MACROD2: variants seen among roughly 807,000 people sequenced by gnomAD.
MACROD2 encodes mono-ADP ribosylhydrolase 2, also known as ADP-ribose glycohydrolase MACROD2.
A neutral mutation model predicts 70.4 loss-of-function variants in MACROD2; 36 were observed. That is an observed-to-expected ratio of 0.51 (90% CI 0.39 to 0.68). The LOEUF is 0.68. Among genes scored for constraint, MACROD2 ranks in the 30% least tolerant of loss-of-function variants. The pLI is 0.00. For missense variants in MACROD2, 496 were observed against 538.4 expected (o/e 0.92, Z 0.78); for synonymous variants, 172 against 178.8 (o/e 0.96, Z 0.30).
At chr20:15,659,615 G>C (rs180997421) in intron 8 of MACROD2, among the ~76,000 whole-genome samples, 14 of 151,952 alleles carry the variant, frequency 9.2e-5, no homozygotes, top group Middle Eastern at 3.4e-3. Flanking sequence ...TTCACATTAG[G>C]GGGTAAGACA....
chr20:15,786,675 G>A (rs2051933366), intron 8 of MACROD2, among the ~76,000 whole-genome samples: 1 of 152,188 alleles, frequency 6.6e-6, no homozygotes, highest in Admixed American at 6.5e-5. Flanking sequence ...TGAAGGGCAG[G>A]TGGACACAAG....
intron 5 of MACROD2, among the ~76,000 whole-genome samples, chr20:14,953,499 G>C (rs138301920): frequency 6.6e-6 from 1 of 152,012 alleles, no homozygotes; most frequent in African/African-American, 2.4e-5. Flanking sequence ...GTAGAGATGG[G>C]GTTTCACGTG....
At chr20:15,972,196 G>GA (rs891447135) in intron 13 of MACROD2, among the ~76,000 whole-genome samples, 8 of 150,240 alleles carry the variant, frequency 5.3e-5, no homozygotes, top group Non-Finnish European at 5.9e-5. Context: ...TGACTGAGGG[G>GA]AAAAAAAAAG....
At chr20:15,859,643 C>A (rs1412414119) in intron 8 of MACROD2, among the ~76,000 whole-genome samples, 3 of 152,100 alleles carry the variant, frequency 2.0e-5, no homozygotes, top group African/African-American at 7.2e-5. Context: ...AAGACTAATT[C>A]TTGGATTCAC....
chr20:15,594,371 C>G (rs2048718866), intron 8 of MACROD2, among the ~76,000 whole-genome samples: 1 of 152,024 alleles, frequency 6.6e-6, no homozygotes, highest in African/African-American at 2.4e-5. Context: ...CCATGACAGC[C>G]ACTTCAATTG....
chr20:14,325,557 T>G (rs1264471510), intron 3 of MACROD2: 1 of 1,606,604 alleles, frequency 6.2e-7, no homozygotes, highest in Admixed American at 1.7e-5. Flanking sequence ...TCCTTCAGCA[T>G]CATGAGTGTG....
chr20:15,685,680 T>G lies in MACROD2; in HGVS notation c.646-177065T>G, dbSNP rs2146867267. Among the ~76,000 whole-genome samples, 3 of 152,290 alleles carry G rather than the reference T, an allele frequency of 2.0e-5. No individual in the cohort carries two copies. In the South Asian group the frequency reaches 6.2e-4, roughly 32 times the overall value. On this transcript the variant is annotated intron_variant, in intron 8 of 17. Coordinates refer to ENST00000684519, the MANE Select transcript of MACROD2 (RefSeq NM_001351661.2). ...ACCTTCTAACCTCCAGGCTTTCACC[T>G]GGAACTCTTTCCCTTCCACTACTGC...
At chr20:16,019,990 C>T (rs1407141867) in intron 15 of MACROD2, among the ~76,000 whole-genome samples, 1 of 152,120 alleles carries the variant, frequency 6.6e-6, no homozygotes, top group Non-Finnish European at 1.5e-5. Flanking sequence ...GCTCTGTGCC[C>T]AGGAAGAAAG....
At chr20:15,934,100 A>G (rs191963406) in intron 11 of MACROD2, among the ~76,000 whole-genome samples, 65 of 152,304 alleles carry the variant, frequency 4.3e-4, no homozygotes, top group African/African-American at 1.5e-3. Context: ...TAACCAGCAA[A>G]AAAATAAAAA....
intron 8 of MACROD2, among the ~76,000 whole-genome samples, chr20:15,693,876 T>TC (rs1033554205): frequency 6.4e-5 from 9 of 140,236 alleles, no homozygotes; most frequent in African/African-American, 2.3e-4. Context: ...CTCTCTCTCT[T>TC]CCCCCCGAGT....
At chr20:14,238,392 T>C (rs1251583204) in intron 3 of MACROD2, among the ~76,000 whole-genome samples, 2 of 152,078 alleles carry the variant, frequency 1.3e-5, no homozygotes, top group African/African-American at 4.8e-5. Flanking sequence ...ACACCAGGCG[T>C]TGAAGGAACA....
chr20:15,565,142 G>A (rs543230828), intron 8 of MACROD2, among the ~76,000 whole-genome samples: 19 of 152,096 alleles, frequency 1.2e-4, no homozygotes, highest in Non-Finnish European at 2.4e-4. Context: ...TTACGTGACC[G>A]CTGTGTCACT....
intron 8 of MACROD2, among the ~76,000 whole-genome samples, chr20:15,632,459 C>T (rs1303020393): frequency 6.6e-6 from 1 of 152,132 alleles, no homozygotes; most frequent in African/African-American, 2.4e-5. Context: ...AATTACAACT[C>T]AGTTAAATAC....
At chr20:15,233,979 T>TATATATATATATA (rs1568657341) in intron 6 of MACROD2, among the ~76,000 whole-genome samples, 1 of 49,012 alleles carries the variant, frequency 2.0e-5, no homozygotes, top group African/African-American at 9.0e-5. Flanking sequence ...TTATATATAT[T>TATATATATATATA]TATTTATATA....
intron 4 of MACROD2, among the ~76,000 whole-genome samples, chr20:14,681,302 G>C (rs1477241035): frequency 6.6e-6 from 1 of 152,130 alleles, no homozygotes. Flanking sequence ...CTACAAGATG[G>C]TTTATACAAG....
At chr20:15,277,190 G>A (rs1568686549) in intron 6 of MACROD2, among the ~76,000 whole-genome samples, 1 of 152,140 alleles carries the variant, frequency 6.6e-6, no homozygotes, top group South Asian at 2.1e-4. Flanking sequence ...ATCATCTTAA[G>A]ACACTGTAAT....
At chr20:14,625,146 A>G (rs1241101228) in intron 4 of MACROD2, among the ~76,000 whole-genome samples, 1 of 151,816 alleles carries the variant, frequency 6.6e-6, no homozygotes, top group Non-Finnish European at 1.5e-5. Context: ...CCTGACCAAC[A>G]TGAAACCCCG....
intron 4 of MACROD2, among the ~76,000 whole-genome samples, chr20:14,603,167 C>T (rs1309946509): frequency 1.3e-5 from 2 of 152,130 alleles, no homozygotes; most frequent in Admixed American, 6.6e-5. Context: ...TTATCTCTCC[C>T]ATTCTCTGAT....
intron 8 of MACROD2, among the ~76,000 whole-genome samples, chr20:15,618,730 A>G (rs1568932226): frequency 6.6e-6 from 1 of 152,206 alleles, no homozygotes; most frequent in Non-Finnish European, 1.5e-5. Flanking sequence ...GGAGGGGCAG[A>G]AGCCATCACA....
Sources: allele counts gnomAD v4.1 joint callset (sites outside exome capture counted in the v4.1 genomes callset), GRCh38; gene constraint gnomAD v4.1.1; transcripts MANE v1.5; gene names NCBI Gene and HGNC (gene_info 2026-07-23, HGNC 2026-07-21).